The following PPP2R2C variants were observed in gnomAD, a reference collection of about 807,000 sequenced individuals.
The protein encoded by PPP2R2C is protein phosphatase 2 regulatory subunit Bgamma, also known as protein phosphatase 2, regulatory subunit B, gamma.
Under a neutral mutation model 45.3 loss-of-function variants are expected in PPP2R2C, and 10 were observed. The observed-to-expected ratio is 0.22, with a 90% CI of 0.14 to 0.37. The LOEUF (loss-of-function observed/expected upper bound fraction) is 0.37. Among genes scored for constraint, PPP2R2C ranks in the 10% least tolerant of loss-of-function variants. The pLI is 1.00. For missense variants in PPP2R2C, 308 were observed against 619.7 expected, an observed-to-expected ratio of 0.50 and a Z score of 5.34; for synonymous variants, 257 against 245.4, an observed-to-expected ratio of 1.05 and a Z score of -0.44.
intron 2 of PPP2R2C, among the ~76,000 whole-genome samples, chr4:6,497,426 T>C (rs1279205923): frequency 1.3e-5 from 2 of 151,880 alleles, no homozygotes; most frequent in Admixed American, 1.3e-4. Flanking sequence ...TGGGAACAGG[T>C]AAACCATTTA....
chr4:6,372,830 G>A, intron 4 of PPP2R2C, 130 bp from the exon 5 acceptor site: 1 of 917,698 alleles, frequency 1.1e-6, no homozygotes, highest in African/African-American at 1.6e-5. Flanking sequence ...ATCCTCCGTG[G>A]TCTGAAATAG....
intron 1 of PPP2R2C, among the ~76,000 whole-genome samples, chr4:6,444,759 C>T (rs1720331212): frequency 6.6e-6 from 1 of 152,230 alleles, no homozygotes; most frequent in Non-Finnish European, 1.5e-5. Context: ...GCAGATGGCT[C>T]TACTCTCAGC....
At chr4:6,496,239 C>A (rs1019236914) in intron 2 of PPP2R2C, among the ~76,000 whole-genome samples, 12 of 152,092 alleles carry the variant, frequency 7.9e-5, no homozygotes, top group Non-Finnish European at 1.5e-4. Flanking sequence ...TGCGGGGGGG[C>A]AAAGTTCAGC....
chr4:6,523,101 A>G (rs1724078873), intron 2 of PPP2R2C, among the ~76,000 whole-genome samples: 1 of 152,182 alleles, frequency 6.6e-6, no homozygotes, highest in Non-Finnish European at 1.5e-5. Context: ...TCCTGATCAC[A>G]TTCCCCAGGA....
At chr4:6,517,782 G>A (rs1374332570) in intron 2 of PPP2R2C, among the ~76,000 whole-genome samples, 2 of 152,106 alleles carry the variant, frequency 1.3e-5, no homozygotes, top group Non-Finnish European at 2.9e-5. Context: ...GGAAATACTG[G>A]GGTCTGGAAG....
intron 1 of PPP2R2C, among the ~76,000 whole-genome samples, chr4:6,460,475 G>A (rs1295734194): frequency 6.6e-6 from 1 of 152,166 alleles, no homozygotes; most frequent in African/African-American, 2.4e-5. Context: ...CCCGGTATGT[G>A]GCACTGTGTT....
At chr4:6,357,747 G>A (rs995793976) in intron 5 of PPP2R2C, among the ~76,000 whole-genome samples, 1 of 152,166 alleles carries the variant, frequency 6.6e-6, no homozygotes, top group African/African-American at 2.4e-5. Flanking sequence ...AGGGGTGCTG[G>A]GTGCCCCCAG....
chr4:6,441,680 T>G (rs1036798207), intron 1 of PPP2R2C, among the ~76,000 whole-genome samples: 2 of 152,140 alleles, frequency 1.3e-5, no homozygotes, highest in African/African-American at 4.8e-5. Flanking sequence ...CTCTCATGAC[T>G]GCCCCAGTGA....
At chr4:6,410,932 G>A (rs13148109) in intron 1 of PPP2R2C, among the ~76,000 whole-genome samples, 2,152 of 151,680 alleles carry the variant, frequency 0.014, 21 homozygotes, top group Middle Eastern at 0.062. Context: ...GCGGTGGTGC[G>A]ATCTCTGCTC....
chr4:6,434,507 C>T (rs186834478), intron 1 of PPP2R2C, among the ~76,000 whole-genome samples: 351 of 151,998 alleles, frequency 2.3e-3, no homozygotes, highest in Non-Finnish European at 3.6e-3. Context: ...TACAGGCATG[C>T]ACCACCACGC....
chr4:6,326,290 G>C (rs1259014952), intron 8 of PPP2R2C, among the ~76,000 whole-genome samples: 1 of 152,090 alleles, frequency 6.6e-6, no homozygotes, highest in Non-Finnish European at 1.5e-5. Flanking sequence ...GGGAAGCATG[G>C]AGAGAAGAAA....
At chr4:6,408,665 T>C (rs935173183) in intron 1 of PPP2R2C, among the ~76,000 whole-genome samples, 1 of 152,158 alleles carries the variant, frequency 6.6e-6, no homozygotes, top group African/African-American at 2.4e-5. Flanking sequence ...CCTGGCTGCC[T>C]GCAAGCCTGG....
intron 4 of PPP2R2C, 66 bp from the exon 5 acceptor site, chr4:6,372,766 G>A (rs34231840): frequency 0.088 from 131,928 of 1,503,630 alleles, 6,219 homozygotes; most frequent in Middle Eastern, 0.12. Flanking sequence ...ATAGCATGCC[G>A]TGAGCATGTG....
chr4:6,497,039 A>G (rs940232398), intron 2 of PPP2R2C, among the ~76,000 whole-genome samples: 1 of 152,028 alleles, frequency 6.6e-6, no homozygotes. Flanking sequence ...TTCCTGAGGG[A>G]TGGAGAAGTT....
At chr4:6,548,790 A>G (rs1725079760) in intron 1 of PPP2R2C, among the ~76,000 whole-genome samples, 1 of 152,192 alleles carries the variant, frequency 6.6e-6, no homozygotes, top group Admixed American at 6.5e-5. Context: ...GGAGAGGCAG[A>G]TCCTGAAGAT....
intron 1 of PPP2R2C, among the ~76,000 whole-genome samples, chr4:6,556,441 C>A (rs1197765431): frequency 6.6e-6 from 1 of 152,196 alleles, no homozygotes; most frequent in African/African-American, 2.4e-5. Flanking sequence ...ACAACTAGTT[C>A]TCCAGCTTCC....
chr4:6,485,566 G>A (rs1477813090), intron 2 of PPP2R2C, among the ~76,000 whole-genome samples: 1 of 151,802 alleles, frequency 6.6e-6, no homozygotes. Flanking sequence ...GGACTACTCA[G>A]GATATCTATT....
intron 1 of PPP2R2C, among the ~76,000 whole-genome samples, chr4:6,551,733 G>C (rs1725191333): frequency 6.6e-6 from 1 of 152,188 alleles, no homozygotes; most frequent in South Asian, 2.1e-4. Flanking sequence ...CTCAGCCCCT[G>C]CTGTCCCCAC....
At chr4:6,542,817 GAA>G (rs1724847683) in intron 1 of PPP2R2C, among the ~76,000 whole-genome samples, 1 of 152,040 alleles carries the variant, frequency 6.6e-6, no homozygotes, top group Admixed American at 6.6e-5. Flanking sequence ...AGAAGAAATA[GAA>G]AACCAGACTT....
Sources: gnomAD v4.1 joint callset for allele counts (sites outside exome capture counted in the v4.1 genomes callset) on GRCh38, gnomAD v4.1.1 for gene constraint, MANE v1.5 for transcripts, NCBI Gene and HGNC (gene_info 2026-07-23, HGNC 2026-07-21) for gene names.